The following SAMD5 variants were observed in gnomAD, a reference collection of about 807,000 sequenced individuals.
SAMD5 encodes the protein sterile alpha motif domain containing 5.
In SAMD5, 13 loss-of-function variants were observed where a neutral mutation model predicts 11.3. That is an observed-to-expected ratio of 1.15 (90% CI 0.75 to 1.83). SAMD5 has a LOEUF of 1.83. Ranked by LOEUF, SAMD5 falls within the 40% of genes most tolerant of loss-of-function variation. SAMD5 has a pLI of 0.00. For missense variants in SAMD5, 255 were observed against 239.1 expected (o/e 1.07, Z -0.44); for synonymous variants, 129 against 111.3 (o/e 1.16, Z -1.00).
intron 1 of SAMD5, among the ~76,000 whole-genome samples, chr6:147,677,142 G>C (rs1053394861): frequency 6.6e-6 from 1 of 152,162 alleles, no homozygotes; most frequent in African/African-American, 2.4e-5. Flanking sequence ...AATGCGGTGT[G>C]CTGCGGATAG....
At chr6:147,935,237 G>A in the SAMD5 span, among the ~76,000 whole-genome samples, 2 of 152,104 alleles carry the variant, frequency 1.3e-5, no homozygotes, top group Non-Finnish European at 2.9e-5. Context: ...TATGTCTTCT[G>A]CCTGCCTCTC....
the SAMD5 span, among the ~76,000 whole-genome samples, chr6:147,926,358 A>AT: frequency 1.3e-5 from 2 of 151,882 alleles, no homozygotes; most frequent in Non-Finnish European, 2.9e-5. Context: ...TTATTTTTTT[A>AT]TTTTTTAATA....
intron 1 of SAMD5, among the ~76,000 whole-genome samples, chr6:147,632,122 T>G (rs904722073): frequency 2.0e-5 from 3 of 152,174 alleles, no homozygotes; most frequent in African/African-American, 7.2e-5. Flanking sequence ...GAAGTTGGAA[T>G]GCTACCTGCT....
chr6:147,948,215 A>G, the SAMD5 span, among the ~76,000 whole-genome samples: 1 of 151,578 alleles, frequency 6.6e-6, no homozygotes, highest in Non-Finnish European at 1.5e-5. Context: ...GTTGATACCG[A>G]GATTTTTTCC....
At chr6:147,543,498 T>C (rs1446961755) in intron 1 of SAMD5, among the ~76,000 whole-genome samples, 2 of 152,236 alleles carry the variant, frequency 1.3e-5, no homozygotes, top group Non-Finnish European at 2.9e-5. Flanking sequence ...CCTACCCACA[T>C]TATGCAGGAT....
chr6:147,524,145 A>G (rs1788297426), intron 1 of SAMD5, among the ~76,000 whole-genome samples: 1 of 152,060 alleles, frequency 6.6e-6, no homozygotes, highest in Non-Finnish European at 1.5e-5. Context: ...TCTCTCTCTT[A>G]ATGTGATCCT....
At chr6:147,754,613 G>A in the SAMD5 span, among the ~76,000 whole-genome samples, 504 of 152,134 alleles carry the variant, frequency 3.3e-3, 4 homozygotes, top group Admixed American at 7.6e-3. Context: ...TGCTTGTGGA[G>A]TATTCCTCAA....
intron 1 of SAMD5, among the ~76,000 whole-genome samples, chr6:147,734,575 G>C (rs929360199): frequency 1.3e-5 from 2 of 151,454 alleles, no homozygotes; most frequent in Non-Finnish European, 2.9e-5. Context: ...AATAATCCGG[G>C]CGTGTTGGGT....
chr6:147,784,633 C>A, the SAMD5 span, among the ~76,000 whole-genome samples: 1 of 152,194 alleles, frequency 6.6e-6, no homozygotes, highest in Admixed American at 6.5e-5. Flanking sequence ...CGAATTTTTC[C>A]TTCAAGACAA....
At chr6:147,562,747 G>A (rs1356087528) in intron 1 of SAMD5, among the ~76,000 whole-genome samples, 2 of 152,168 alleles carry the variant, frequency 1.3e-5, no homozygotes, top group African/African-American at 2.4e-5. Flanking sequence ...GCGTGAACCC[G>A]GGAGGCGGAG....
chr6:147,867,074 ATC>A, the SAMD5 span, among the ~76,000 whole-genome samples: 4 of 152,220 alleles, frequency 2.6e-5, no homozygotes, highest in Non-Finnish European at 5.9e-5. Flanking sequence ...CCGAATATTA[ATC>A]TCTCTATCCA....
chr6:147,581,612 TC>T (rs748152206), intron 1 of SAMD5, among the ~76,000 whole-genome samples: 1 of 152,090 alleles, frequency 6.6e-6, no homozygotes, highest in African/African-American at 2.4e-5. Context: ...TAAGGAATGT[TC>T]AACAATGCCA....
the SAMD5 span, among the ~76,000 whole-genome samples, chr6:147,909,632 C>CTTTT: frequency 4.9e-5 from 3 of 61,160 alleles, no homozygotes; most frequent in African/African-American, 2.3e-4. Context: ...TTCTTTCTTT[C>CTTTT]TCTTTCTTGT....
chr6:147,946,161 A>G, the SAMD5 span, among the ~76,000 whole-genome samples: 613 of 152,230 alleles, frequency 4.0e-3, 3 homozygotes, highest in African/African-American at 0.014. Context: ...ACCCTTGAGT[A>G]TGTTCCAAGT....
chr6:147,560,728 A>C (rs1788933928), intron 1 of SAMD5, among the ~76,000 whole-genome samples: 1 of 152,204 alleles, frequency 6.6e-6, no homozygotes, highest in Non-Finnish European at 1.5e-5. Context: ...CTTAATTTTT[A>C]ACCATAGGAT....
At chr6:147,877,282 T>C in the SAMD5 span, among the ~76,000 whole-genome samples, 1 of 152,148 alleles carries the variant, frequency 6.6e-6, no homozygotes, top group Non-Finnish European at 1.5e-5. Flanking sequence ...TATGAAAACT[T>C]AAGAACTGAA....
the SAMD5 span, among the ~76,000 whole-genome samples, chr6:147,758,387 G>A: frequency 1.3e-5 from 2 of 152,180 alleles, no homozygotes; most frequent in Admixed American, 6.5e-5. Flanking sequence ...ATTGCATGTG[G>A]TCATAAATCA....
chr6:147,821,248 CAT>C, the SAMD5 span, among the ~76,000 whole-genome samples: 6,542 of 152,292 alleles, frequency 0.043, 168 homozygotes, highest in Non-Finnish European at 0.052. Context: ...AAAATTAACA[CAT>C]AGTCTTCTTC....
At chr6:147,801,272 C>T in the SAMD5 span, among the ~76,000 whole-genome samples, 6 of 152,212 alleles carry the variant, frequency 3.9e-5, 1 homozygote, top group South Asian at 1.2e-3. Context: ...CATTAAGTGA[C>T]TTTACCCACT....
Sources: allele counts gnomAD v4.1 joint callset (sites outside exome capture counted in the v4.1 genomes callset), GRCh38; gene constraint gnomAD v4.1.1; transcripts MANE v1.5; gene names NCBI Gene and HGNC (gene_info 2026-07-23, HGNC 2026-07-21).